The following STEAP3 variants were observed in gnomAD, a reference collection of about 807,000 sequenced individuals.
The protein encoded by STEAP3 is STEAP3 metalloreductase.
A neutral mutation model predicts 34.9 loss-of-function variants in STEAP3; 35 were observed. That is an observed-to-expected ratio of 1.00 (90% CI 0.76 to 1.33). The LOEUF (loss-of-function observed/expected upper bound fraction) is 1.33, where lower values mean the gene tolerates loss of function less well. Ranked by LOEUF, STEAP3 falls within the 40% of genes most tolerant of loss-of-function variation. The pLI is 0.00. For synonymous variants in STEAP3, 281 were observed against 301.6 expected (o/e 0.93, Z 0.71); for missense variants, 652 against 667.6 (o/e 0.98, Z 0.26).
intron 4 of STEAP3, among the ~76,000 whole-genome samples, chr2:119,250,349 G>A (rs1315427426): frequency 6.6e-6 from 1 of 152,246 alleles, no homozygotes; most frequent in Non-Finnish European, 1.5e-5. Flanking sequence ...CTCCAGCATC[G>A]CTGACTGGAA....
At chr2:119,247,289 G>A (rs908794911) in intron 3 of STEAP3, among the ~76,000 whole-genome samples, 7 of 152,312 alleles carry the variant, frequency 4.6e-5, no homozygotes, top group East Asian at 1.9e-4. Context: ...TGCACCATAC[G>A]CAAAACTCTT....
intron 5 of STEAP3, among the ~76,000 whole-genome samples, chr2:119,256,930 A>T (rs146533117): frequency 6.6e-6 from 1 of 152,358 alleles, no homozygotes; most frequent in Non-Finnish European, 1.5e-5. Context: ...AAAGAAAAAT[A>T]AAAAGCATTT....
chr2:119,246,133 G>A, intron 3 of STEAP3, 145 bp downstream of exon 3: 1 of 1,142,466 alleles, frequency 8.8e-7, no homozygotes, highest in Non-Finnish European at 1.2e-6. Context: ...ACAGGAAATT[G>A]TGGCTCAAAG....
At chr2:119,255,929 AC>A (rs1677761270) in intron 5 of STEAP3, among the ~76,000 whole-genome samples, 1 of 152,194 alleles carries the variant, frequency 6.6e-6, no homozygotes. Context: ...GATAAAGGAA[AC>A]GGAGGCAGGG....
At chr2:119,239,077 G>C (rs932572770) in intron 2 of STEAP3, among the ~76,000 whole-genome samples, 71 of 152,264 alleles carry the variant, frequency 4.7e-4, no homozygotes, top group African/African-American at 1.5e-3. Context: ...ATGGCCCTTG[G>C]CTACTTCATG....
chr2:119,245,465 C>T (rs1268474779), intron 2 of STEAP3, 24 bp from the exon 3 acceptor site: 1 of 1,557,542 alleles, frequency 6.4e-7, no homozygotes, highest in African/African-American at 1.4e-5. Flanking sequence ...CCTCCACTGA[C>T]CAGGTTCCTG....
intron 4 of STEAP3, among the ~76,000 whole-genome samples, chr2:119,251,706 G>A (rs1219303505): frequency 4.6e-5 from 7 of 151,986 alleles, no homozygotes; most frequent in Non-Finnish European, 8.8e-5. Context: ...GACTCCCTCC[G>A]CAGCCTCATC....
In STEAP3 at chr2:119,264,494, C is replaced by A. The variant is rs1678046526; in HGVS notation, c.*1156C>A. ...CCACCAAAGCTACAAACCTAAAATG[C>A]TGCTGCCCCAAAGCACAAGAGGGAA... On this transcript the variant is annotated 3_prime_UTR_variant, in exon 6 of 6. Coordinates refer to ENST00000393110, the MANE Select transcript of STEAP3 (RefSeq NM_182915.3). 6.6e-6 allele frequency: 1 copy of A among 152,244 alleles called. No individual in the cohort carries two copies. The highest frequency in any genetic ancestry group is 1.5e-5 in the Non-Finnish European group (1 of 68,112). 9.4% of individuals were successfully genotyped at this position (152,244 alleles called of 1,614,324 possible). A position where few individuals can be genotyped will look rare whatever the true frequency, so the allele number is the denominator to read the frequency against.
At chr2:119,234,344 G>C (rs1176550134) in intron 2 of STEAP3, among the ~76,000 whole-genome samples, 1 of 152,228 alleles carries the variant, frequency 6.6e-6, no homozygotes, top group African/African-American at 2.4e-5. Context: ...AAACCACCCA[G>C]CTCCAGACGC....
chr2:119,260,493 T>G (rs1020212468), intron 5 of STEAP3, among the ~76,000 whole-genome samples: 19 of 152,094 alleles, frequency 1.2e-4, no homozygotes, highest in African/African-American at 4.3e-4. Flanking sequence ...ACGGGGTTTA[T>G]CCATGTCGGT....
intron 5 of STEAP3, chr2:119,257,867 C>T (rs1314110688): frequency 2.0e-5 from 7 of 344,638 alleles, no homozygotes; most frequent in East Asian, 1.7e-4. Context: ...AAAAGGGTCC[C>T]GATCCAGACC....
chr2:119,247,163 G>T (rs958324937), intron 3 of STEAP3, among the ~76,000 whole-genome samples: 1 of 152,138 alleles, frequency 6.6e-6, no homozygotes, highest in Admixed American at 6.5e-5. Flanking sequence ...GGGCAGGCTG[G>T]AGCTGGCTTG....
Position 119,245,716 on chromosome 2 carries a change from G to C in STEAP3, c.250G>C (p.Val84Leu). ...CAGGCTGTTTCCCTCAGCGGCCCAAGTGACTTTCCAAGAGGAGGCAGTGAG... is the reference window on the plus strand; with the variant it reads ...CAGGCTGTTTCCCTCAGCGGCCCAACTGACTTTCCAAGAGGAGGCAGTGAG... Reference protein sequence around the residue: ...TARLFPSAAQVTFQEEAVSSP... With the variant: ...TARLFPSAAQLTFQEEAVSSP... The change falls in exon 3 of 6, where the codon GTG becomes CTG. Residue 84 changes from valine to leucine, a missense_variant. By Grantham distance (32) the Val-to-Leu change is conservative. Coordinates refer to ENST00000393110, the MANE Select transcript of STEAP3 (RefSeq NM_182915.3). 1 of 1,614,206 alleles carries C rather than the reference G, an allele frequency of 6.2e-7. No homozygotes were observed. Among genetic ancestry groups the C allele is most frequent in the African/African-American group, 1.3e-5 (1 of 75,060 alleles).
At position 119,228,789 on chromosome 2, in the gene STEAP3, G is replaced by A. The variant is rs117482667; in HGVS notation, c.-393-1831G>A. ...ACCTTTAACATCTGGCATGGCTTGT[G>A]GGGGGTGCTGAGAGGAGGAGAAGTC... is the stretch of plus-strand genomic sequence containing the variant. On this transcript the variant is annotated intron_variant, in intron 1 of 5. Transcript: ENST00000393110. Among the ~76,000 whole-genome samples, 99 of 152,222 alleles carry A rather than the reference G, an allele frequency of 6.5e-4. No individual in the cohort carries two copies. In the East Asian group the frequency reaches 0.018, roughly 28 times the overall value.
chr2:119,232,050 G>T (rs1676957559), intron 2 of STEAP3, among the ~76,000 whole-genome samples: 1 of 152,196 alleles, frequency 6.6e-6, no homozygotes, highest in Admixed American at 6.5e-5. Flanking sequence ...CCCTGGATTT[G>T]CAGAAACAGC....
rs557380290 is a variant in STEAP3 at position 119,257,724 on chromosome 2, C to T, written c.1215+2876C>T. 197 of 1,389,590 alleles carry T rather than the reference C, an allele frequency of 1.4e-4. 9 individuals are homozygous for T. The South Asian group carries it at 3.4e-3, about 24-fold the overall frequency. The allele number at this position is 1,389,590 out of a possible 1,614,324, so 86.1% of individuals were successfully genotyped here. A position where few individuals can be genotyped will look rare whatever the true frequency, so the allele number is the denominator to read the frequency against. ...ACCTTCTCCTTTAAAGTTAGCGTGG[C>T]TAGTGAGAAGTTACCTGAGCCCCAT... On this transcript the variant is annotated intron_variant, in intron 5 of 5. Coordinates refer to ENST00000393110, the MANE Select transcript of STEAP3 (RefSeq NM_182915.3).
chr2:119,229,301 CCCAGCTAATTTT>C (rs1679143129), intron 1 of STEAP3, among the ~76,000 whole-genome samples: 1 of 152,120 alleles, frequency 6.6e-6, no homozygotes, highest in African/African-American at 2.4e-5. Flanking sequence ...CTCCACCACA[CCCAGCTAATTTT>C]TGTATTATTA....
chr2:119,248,135 G>T lies in STEAP3; in HGVS notation c.979G>T (p.Ala327Ser). 1.2e-6 allele frequency: 2 copies of T among 1,608,104 alleles called. No individual in the cohort carries two copies. The highest frequency in any genetic ancestry group is 8.5e-7 in the Non-Finnish European group (1 of 1,179,606). ...CAGCTTCTTCTGCGCCGCCCTGCAC[G>T]CCCTCTACAGCTTCTGCTTGCCGCT... ...LLSFFCAALHALYSFCLPLRR... is the reference protein window; with the variant it reads ...LLSFFCAALHSLYSFCLPLRR... The change falls in exon 4 of 6, where the codon GCC becomes TCC. Residue 327 changes from alanine to serine, a missense_variant. By Grantham distance (99) the Ala-to-Ser change is moderately conservative. Coordinates refer to ENST00000393110, the MANE Select transcript of STEAP3 (RefSeq NM_182915.3).
Position 119,247,924 on chromosome 2 carries a change from G to T in STEAP3, c.768G>T (p.Lys256Asn). The T allele has an allele frequency of 6.2e-7, 1 of 1,613,860 alleles. No individual in the cohort carries two copies. Among genetic ancestry groups the T allele is most frequent in the Non-Finnish European group, 8.5e-7 (1 of 1,180,006 alleles). ...CCTATGTGCAGGAAAGCCAGAACAAGTTCTTCAAGCTGCCCGTGTCCGTGG... is the reference window on the plus strand; with the variant it reads ...CCTATGTGCAGGAAAGCCAGAACAATTTCTTCAAGCTGCCCGTGTCCGTGG... ...LQPYVQESQN[K>N]FFKLPVSVVN... Residue 256 changes from lysine (K) to asparagine (N), a missense_variant, in exon 4 of 6, where the codon AAG (lysine) becomes AAT (asparagine). Coordinates refer to ENST00000393110, the MANE Select transcript of STEAP3 (RefSeq NM_182915.3).
Sources: gnomAD v4.1 joint callset for allele counts (sites outside exome capture counted in the v4.1 genomes callset) on GRCh38, gnomAD v4.1.1 for gene constraint, MANE v1.5 for transcripts, NCBI Gene and HGNC (gene_info 2026-07-23, HGNC 2026-07-21) for gene names.